Variants in CRYZ observed in about 807,000 individuals in gnomAD.
The protein encoded by CRYZ is zeta-crystallin.
Under a neutral mutation model 34.1 loss-of-function variants are expected in CRYZ, and 35 were observed. That is an observed-to-expected ratio of 1.03 (90% CI 0.78 to 1.36). CRYZ has a LOEUF of 1.36. CRYZ is among the 40% of genes most tolerant of loss of function. The pLI is 0.00. For missense variants in CRYZ, 403 were observed against 391.8 expected (o/e 1.03, Z -0.24); for synonymous variants, 137 against 136.5 (o/e 1.00, Z -0.03).
At chr1:74,725,738 G>A (rs1647302025) in intron 1 of CRYZ, among the ~76,000 whole-genome samples, 1 of 152,090 alleles carries the variant, frequency 6.6e-6, no homozygotes, top group Non-Finnish European at 1.5e-5. Flanking sequence ...TTGGAGACAA[G>A]GCAACTCTCT....
chr1:74,720,694 C>A (rs1363298968), intron 3 of CRYZ, among the ~76,000 whole-genome samples: 1 of 152,060 alleles, frequency 6.6e-6, no homozygotes, highest in South Asian at 2.1e-4. Flanking sequence ...TATGGTTGCC[C>A]AGAAATGTCA....
At chr1:74,706,868 T>C (rs1348247787) in intron 8 of CRYZ, 31 bp downstream of exon 8, 13 of 1,581,850 alleles carry the variant, frequency 8.2e-6, no homozygotes, top group Non-Finnish European at 1.1e-5. Context: ...AATGTTTAAG[T>C]TACCAAAATC....
chr1:74,726,108 C>T (rs1246690230), intron 1 of CRYZ, among the ~76,000 whole-genome samples: 1 of 152,196 alleles, frequency 6.6e-6, no homozygotes, highest in Non-Finnish European at 1.5e-5. Flanking sequence ...ATCAGTGGAT[C>T]TACCATTCTG....
intron 1 of CRYZ, among the ~76,000 whole-genome samples, chr1:74,731,829 C>A (rs1165495406): frequency 1.3e-5 from 2 of 152,186 alleles, no homozygotes; most frequent in Non-Finnish European, 2.9e-5. Context: ...CACACCTTCC[C>A]TGGTCACTGA....
chr1:74,733,012 G>C lies in CRYZ; in HGVS notation c.-70C>G. ...GGGCTTCTTCAGATTCCACAGAAAT[G>C]AGGACTGCCACACCTTCTCCAACTT... On this transcript the variant is annotated 5_prime_UTR_variant, in exon 1 of 9. Coordinates refer to ENST00000340866, the MANE Select transcript of CRYZ (RefSeq NM_001889.4). 1 of 554,950 alleles carries C rather than the reference G, an allele frequency of 1.8e-6. No individual in the cohort carries two copies. The highest frequency in any genetic ancestry group is 2.5e-5 in the South Asian group (1 of 40,760). 34.4% of individuals were successfully genotyped at this position (554,950 alleles called of 1,614,324 possible).
intron 4 of CRYZ, among the ~76,000 whole-genome samples, chr1:74,718,700 T>C (rs1396447096): frequency 1.3e-5 from 2 of 152,066 alleles, no homozygotes; most frequent in African/African-American, 4.8e-5. Flanking sequence ...AAATACTTAG[T>C]AGATGGGATT....
chr1:74,724,659 G>T, intron 2 of CRYZ, 52 bp downstream of exon 2: 1 of 1,104,586 alleles, frequency 9.1e-7, no homozygotes, highest in South Asian at 1.4e-5. Context: ...CAATGTGCAA[G>T]AGACTCACAC....
intron 3 of CRYZ, among the ~76,000 whole-genome samples, chr1:74,719,960 G>T (rs928247121): frequency 2.8e-4 from 42 of 152,028 alleles, no homozygotes; most frequent in African/African-American, 9.9e-4. Context: ...TGCTATACCA[G>T]GCACTGCATT....
rs769738367 is a variant in CRYZ at position 74,710,107 on chromosome 1, A to G, written c.621T>C (p.Asp207=). Residue 207 remains aspartate (D), a synonymous_variant, in exon 6 of 9, where the codon GAT becomes GAC. Transcript: ENST00000340866. The part of the protein sequence containing the change: ...VFNHREVNYI[D]KIKKYVGEKG... ...CAGTGGAAAATTTTACCTTAATTTTATCAATGTAATTCACTTCTCTGTGAT... is the reference window on the plus strand; with the variant it reads ...CAGTGGAAAATTTTACCTTAATTTTGTCAATGTAATTCACTTCTCTGTGAT... 3.1e-6 allele frequency: 5 copies of G among 1,611,964 alleles called. No individual in the cohort carries two copies. Among genetic ancestry groups the G allele is most frequent in the Admixed American group, 1.7e-5 (1 of 59,644 alleles).
chr1:74,726,569 C>T (rs277382), intron 1 of CRYZ, among the ~76,000 whole-genome samples: 151,720 of 152,276 alleles, frequency 1, 75,586 homozygotes, highest in East Asian at 1. Flanking sequence ...GCCGCAAAGG[C>T]CTCTGACATG....
chr1:74,731,226 G>T (rs994684376), intron 1 of CRYZ, among the ~76,000 whole-genome samples: 2 of 152,060 alleles, frequency 1.3e-5, no homozygotes, highest in Non-Finnish European at 2.9e-5. Flanking sequence ...CTTTTTCCTG[G>T]CTATGCTTGT....
intron 1 of CRYZ, among the ~76,000 whole-genome samples, chr1:74,726,504 G>T (rs148141546): frequency 6.6e-6 from 1 of 152,130 alleles, no homozygotes; most frequent in African/African-American, 2.4e-5. Flanking sequence ...CCCTGGGCCC[G>T]GCCCAGGAAA....
At position 74,733,018 on chromosome 1, in the gene CRYZ, T is replaced by A; in HGVS notation, c.-76A>T. 2 of 581,676 alleles carry A rather than the reference T, an allele frequency of 3.4e-6. No homozygotes were observed. The highest frequency in any genetic ancestry group is 6.0e-6 in the Non-Finnish European group (2 of 334,288). The allele number at this position is 581,676 out of a possible 1,614,324, so 36.0% of individuals were successfully genotyped here. A position where few individuals can be genotyped will look rare whatever the true frequency, so the allele number is the denominator to read the frequency against. ...CTTCAGATTCCACAGAAATGAGGACTGCCACACCTTCTCCAACTTTTGCAG... is the reference window on the plus strand; with the variant it reads ...CTTCAGATTCCACAGAAATGAGGACAGCCACACCTTCTCCAACTTTTGCAG... On this transcript the variant is annotated 5_prime_UTR_variant, in exon 1 of 9. Transcript: ENST00000340866.
chr1:74,727,341 C>CT (rs979795938), intron 1 of CRYZ, among the ~76,000 whole-genome samples: 1 of 148,910 alleles, frequency 6.7e-6, no homozygotes, highest in Non-Finnish European at 1.5e-5. Context: ...AGAACAAAGG[C>CT]ACAACTTGCA....
At chr1:74,722,429 T>C (rs1465420969) in intron 3 of CRYZ, among the ~76,000 whole-genome samples, 1 of 152,052 alleles carries the variant, frequency 6.6e-6, no homozygotes, top group Admixed American at 6.6e-5. Flanking sequence ...TGCCACAAGC[T>C]GAGGGGTGGA....
At chr1:74,728,256 A>G (rs1001743472) in intron 1 of CRYZ, among the ~76,000 whole-genome samples, 2 of 152,244 alleles carry the variant, frequency 1.3e-5, no homozygotes, top group Non-Finnish European at 2.9e-5. Flanking sequence ...TCTTTTATAA[A>G]TTACAAGGTC....
intron 5 of CRYZ, among the ~76,000 whole-genome samples, chr1:74,711,421 G>GA (rs1352695221): frequency 6.6e-6 from 1 of 152,304 alleles, no homozygotes; most frequent in East Asian, 1.9e-4. Context: ...GGTGGCACTG[G>GA]AAAAAATAAA....
chr1:74,723,890 A>G (rs1454298488), intron 2 of CRYZ, among the ~76,000 whole-genome samples: 1 of 152,248 alleles, frequency 6.6e-6, no homozygotes, highest in Non-Finnish European at 1.5e-5. Flanking sequence ...TTTAGGTTAC[A>G]GCAATTGTGG....
At chr1:74,714,434 C>T in intron 5 of CRYZ, 145 bp downstream of exon 5, 1 of 677,668 alleles carries the variant, frequency 1.5e-6, no homozygotes, top group Non-Finnish European at 2.5e-6. Flanking sequence ...CTTCAGAAGA[C>T]CAAAATCAAA....
Sources: gnomAD v4.1 joint callset for allele counts (sites outside exome capture counted in the v4.1 genomes callset) on GRCh38, gnomAD v4.1.1 for gene constraint, MANE v1.5 for transcripts, NCBI Gene and HGNC (gene_info 2026-07-23, HGNC 2026-07-21) for gene names.